Variants in ANXA4 observed in about 807,000 individuals in gnomAD.
ANXA4 encodes the protein annexin A4.
A neutral mutation model predicts 49.8 loss-of-function variants in ANXA4; 39 were observed. The observed-to-expected ratio is 0.78, with a 90% CI of 0.61 to 1.02. The LOEUF (loss-of-function observed/expected upper bound fraction) is 1.02. Ranked by LOEUF, ANXA4 falls within the 50% of genes least tolerant of loss-of-function variation. The pLI, the probability that ANXA4 is intolerant of heterozygous loss-of-function variation, is 0.00. For missense variants in ANXA4, 360 were observed against 410.1 expected (o/e 0.88, Z 1.05); for synonymous variants, 134 against 152.5 (o/e 0.88, Z 0.89).
intron 10 of ANXA4, 126 bp from the exon 11 acceptor site, chr2:69,819,154 G>A: frequency 3.1e-6 from 2 of 637,712 alleles, no homozygotes; most frequent in Non-Finnish European, 2.6e-6. Context: ...AACATTGCTT[G>A]GCTAAAATTT....
At chr2:69,670,885 G>A (rs988629092) in intron 2 of ANXA4, among the ~76,000 whole-genome samples, 1 of 151,818 alleles carries the variant, frequency 6.6e-6, no homozygotes, top group Admixed American at 6.6e-5. Flanking sequence ...ATTTAGCCAG[G>A]CATGATGGTG....
intron 6 of ANXA4, 40 bp downstream of exon 6, chr2:69,808,036 G>T (rs908141953): frequency 5.7e-6 from 9 of 1,583,588 alleles, no homozygotes; most frequent in Non-Finnish European, 7.8e-6. Flanking sequence ...AGGTTTCGCT[G>T]TGATTAGAGA....
intron 1 of ANXA4, among the ~76,000 whole-genome samples, chr2:69,748,713 T>C (rs542612358): frequency 1.3e-5 from 2 of 148,486 alleles, no homozygotes; most frequent in African/African-American, 2.5e-5. Flanking sequence ...CCTACTTCTT[T>C]TTTTTTTTTT....
intron 2 of ANXA4, among the ~76,000 whole-genome samples, chr2:69,714,560 T>G (rs903869753): frequency 6.6e-6 from 1 of 152,126 alleles, no homozygotes; most frequent in African/African-American, 2.4e-5. Context: ...CCTCAGTGCT[T>G]TATTTCCTGG....
chr2:69,709,641 T>C (rs998964756), intron 2 of ANXA4, among the ~76,000 whole-genome samples: 1 of 152,214 alleles, frequency 6.6e-6, no homozygotes, highest in African/African-American at 2.4e-5. Flanking sequence ...CATGGCAACC[T>C]CGCTAGGTAA....
chr2:69,807,966 A>T lies in ANXA4; in HGVS notation c.367A>T (p.Ile123Phe), dbSNP rs962697042. The T allele has an allele frequency of 6.2e-7, 1 of 1,614,108 alleles. No homozygotes were observed. The highest frequency in any genetic ancestry group is 1.7e-5 in the Admixed American group (1 of 60,008). ...CCTGGCCTCCCGGACCCCTGAGGAG[A>T]TCCGGCGCATAAGCCAAACCTACCA... ...EILASRTPEEIRRISQTYQQQ... is the reference protein window; with the variant it reads ...EILASRTPEEFRRISQTYQQQ... Residue 123 changes from isoleucine to phenylalanine, a missense_variant, in exon 6 of 13, where the codon ATC becomes TTC. Transcript: ENST00000394295.
intron 3 of ANXA4, among the ~76,000 whole-genome samples, chr2:69,727,543 A>G (rs1207691619): frequency 6.6e-6 from 1 of 151,992 alleles, no homozygotes; most frequent in East Asian, 1.9e-4. Context: ...GGCTATTTTG[A>G]TATTCTGTTT....
chr2:69,658,262 T>C (rs1487994685), intron 2 of ANXA4, among the ~76,000 whole-genome samples: 5 of 151,442 alleles, frequency 3.3e-5, no homozygotes, highest in Admixed American at 3.3e-4. Flanking sequence ...TAGCTTGGCG[T>C]GGTGGCACAC....
At chr2:69,689,636 T>C (rs185039823) in intron 2 of ANXA4, among the ~76,000 whole-genome samples, 2 of 152,358 alleles carry the variant, frequency 1.3e-5, no homozygotes, top group Admixed American at 1.3e-4. Flanking sequence ...CGTATCATAA[T>C]AATGAAAATC....
intron 2 of ANXA4, among the ~76,000 whole-genome samples, chr2:69,689,468 A>G (rs1023805586): frequency 6.6e-6 from 1 of 152,116 alleles, no homozygotes; most frequent in Non-Finnish European, 1.5e-5. Flanking sequence ...CCCTTATTGA[A>G]AATCCCAATT....
intron 2 of ANXA4, among the ~76,000 whole-genome samples, chr2:69,782,657 C>A (rs571816567): frequency 2.0e-5 from 3 of 152,244 alleles, no homozygotes; most frequent in African/African-American, 7.2e-5. Context: ...GCCTAGCCAA[C>A]GTGGAGAATA....
At chr2:69,815,203 T>A (rs1046171950) in intron 8 of ANXA4, 1 of 152,238 alleles carries the variant, frequency 6.6e-6, no homozygotes, top group African/African-American at 2.4e-5. Flanking sequence ...CAAGTTGACA[T>A]AAAATAAATT....
upstream of ANXA4, among the ~76,000 whole-genome samples, chr2:69,740,785 G>A (rs1215047611): frequency 7.1e-5 from 10 of 140,954 alleles, no homozygotes. Flanking sequence ...GGGCTTGGGT[G>A]TTTATCCCAC....
At chr2:69,730,883 G>A (rs1287424576) in intron 3 of ANXA4, among the ~76,000 whole-genome samples, 1 of 152,188 alleles carries the variant, frequency 6.6e-6, no homozygotes, top group Non-Finnish European at 1.5e-5. Context: ...CACTACTAAT[G>A]TCATATATTC....
chr2:69,680,970 T>G (rs1465797333), intron 2 of ANXA4, among the ~76,000 whole-genome samples: 1 of 152,194 alleles, frequency 6.6e-6, no homozygotes, highest in African/African-American at 2.4e-5. Flanking sequence ...TTTCTTTTTT[T>G]GTTGTTTGGT....
At chr2:69,785,156 T>C (rs150448181) in intron 2 of ANXA4, among the ~76,000 whole-genome samples, 2 of 152,280 alleles carry the variant, frequency 1.3e-5, no homozygotes, top group Non-Finnish European at 2.9e-5. Flanking sequence ...ATGCTTACCA[T>C]ATCCAGAACA....
At chr2:69,812,150 G>A (rs1191453625) in intron 7 of ANXA4, among the ~76,000 whole-genome samples, 1 of 146,294 alleles carries the variant, frequency 6.8e-6, no homozygotes, top group African/African-American at 2.6e-5. Flanking sequence ...AAGATTCAAG[G>A]TCTTGCTATG....
intron 3 of ANXA4, among the ~76,000 whole-genome samples, chr2:69,800,520 A>G (rs577672368): frequency 1.7e-4 from 26 of 152,346 alleles, no homozygotes; most frequent in African/African-American, 6.0e-4. Context: ...AAAAATAACT[A>G]TGATTAATTC....
At chr2:69,797,985 G>A (rs984582748) in intron 3 of ANXA4, among the ~76,000 whole-genome samples, 2 of 152,222 alleles carry the variant, frequency 1.3e-5, no homozygotes, top group African/African-American at 4.8e-5. Context: ...AAAGGATGGA[G>A]AGAGAAGTCT....
Sources: gnomAD v4.1 joint callset for allele counts (sites outside exome capture counted in the v4.1 genomes callset) on GRCh38, gnomAD v4.1.1 for gene constraint, MANE v1.5 for transcripts, NCBI Gene and HGNC (gene_info 2026-07-23, HGNC 2026-07-21) for gene names.